Variants in DIAPH2 observed in about 807,000 individuals in gnomAD.
The protein encoded by DIAPH2 is diaphanous related formin 2.
DIAPH2 carries 35 observed loss-of-function variants against 92.7 expected under a neutral mutation model. The ratio of observed to expected loss-of-function variants is 0.38; its 90% CI spans 0.29 to 0.50. The LOEUF (loss-of-function observed/expected upper bound fraction) is 0.50, where lower values mean the gene tolerates loss of function less well. Among genes scored for constraint, DIAPH2 ranks in the 20% least tolerant of loss-of-function variants. DIAPH2 has a pLI of 0.94. For synonymous variants in DIAPH2, 301 were observed against 280.4 expected (o/e 1.07, Z -0.73); for missense variants, 701 against 819.5 (o/e 0.86, Z 1.77).
At position 96,685,278 on chromosome X, in the gene DIAPH2, C is replaced by T. The variant is rs982904725; in HGVS notation, c.132+88C>T. 10 of 929,119 alleles carry T rather than the reference C, an allele frequency of 1.1e-5. No homozygotes were observed. The Admixed American group carries it at 5.0e-4, about 47-fold the overall frequency. The allele number at this position is 929,119 out of a possible 1,213,427, so 76.6% of individuals were successfully genotyped here. The stretch of plus-strand genomic sequence containing the variant: ...ATTGAACACGGGGGCACCCGGGGCC[C>T]CCTCCCAAGGATGACCGCGACCTCG... On this transcript the variant is annotated intron_variant, in intron 1 of 26. Coordinates refer to ENST00000324765, the MANE Select transcript of DIAPH2 (RefSeq NM_006729.5).
At chrX:96,900,380 T>C (rs192077896) in intron 5 of DIAPH2, among the ~76,000 whole-genome samples, 4 of 111,381 alleles carry the variant, frequency 3.6e-5, no homozygotes, top group Non-Finnish European at 7.5e-5. Flanking sequence ...GATGAGTCTT[T>C]AGGGTTTTCT....
intron 23 of DIAPH2, among the ~76,000 whole-genome samples, chrX:97,337,387 T>C (rs1051948432): frequency 2.7e-5 from 3 of 110,945 alleles, no homozygotes; most frequent in African/African-American, 9.8e-5. Flanking sequence ...CATTGGGAAG[T>C]GATTGGATCA....
intron 26 of DIAPH2, among the ~76,000 whole-genome samples, chrX:97,515,475 G>A (rs1204475685): frequency 1.8e-5 from 2 of 112,207 alleles, no homozygotes; most frequent in Non-Finnish European, 3.8e-5. Context: ...TGTCTTCTGC[G>A]TCGCTCACGC....
intron 21 of DIAPH2, among the ~76,000 whole-genome samples, chrX:97,128,533 G>A (rs1305935795): frequency 9.0e-6 from 1 of 111,228 alleles, no homozygotes; most frequent in African/African-American, 3.3e-5. Context: ...AGTTGCTCTG[G>A]TTCACATGCC....
At chrX:97,374,214 TG>T (rs1474620423) in intron 24 of DIAPH2, among the ~76,000 whole-genome samples, 2 of 111,182 alleles carry the variant, frequency 1.8e-5, no homozygotes, top group African/African-American at 6.6e-5. Context: ...CAATGCTGTC[TG>T]TAGGAAGAAA....
chrX:96,964,378 T>G (rs1018438903), intron 16 of DIAPH2, among the ~76,000 whole-genome samples: 2 of 112,009 alleles, frequency 1.8e-5, no homozygotes, highest in Non-Finnish European at 3.8e-5. Context: ...TGTAGTCGTA[T>G]GCTTCCTAAT....
intron 22 of DIAPH2, among the ~76,000 whole-genome samples, chrX:97,156,418 T>A (rs911867547): frequency 4.0e-4 from 45 of 112,535 alleles, no homozygotes; most frequent in Admixed American, 3.1e-3. Flanking sequence ...AATGAATCAA[T>A]AATTGGCATA....
At chrX:96,814,834 G>T (rs1393081803) in intron 4 of DIAPH2, among the ~76,000 whole-genome samples, 1 of 111,765 alleles carries the variant, frequency 8.9e-6, no homozygotes, top group Non-Finnish European at 1.9e-5. Flanking sequence ...TGCACACCCT[G>T]TTTGCCTGGG....
At chrX:97,048,369 T>A (rs2066498499) in intron 17 of DIAPH2, among the ~76,000 whole-genome samples, 1 of 111,430 alleles carries the variant, frequency 9.0e-6, no homozygotes, top group African/African-American at 3.3e-5. Context: ...AACATAGCAT[T>A]CCTTATGATT....
At chrX:96,894,254 GTT>G (rs202232924) in intron 5 of DIAPH2, among the ~76,000 whole-genome samples, 11 of 101,478 alleles carry the variant, frequency 1.1e-4, no homozygotes, top group South Asian at 9.0e-4. Context: ...TACTGCTACA[GTT>G]TTTTTTTTTT....
chrX:96,724,416 A>T (rs2064008940), intron 1 of DIAPH2, among the ~76,000 whole-genome samples: 1 of 112,251 alleles, frequency 8.9e-6, no homozygotes, highest in Non-Finnish European at 1.9e-5. Flanking sequence ...AAATAAGTTT[A>T]GACCATCTCA....
chrX:97,263,400 G>C (rs1321157970), intron 23 of DIAPH2, among the ~76,000 whole-genome samples: 1 of 111,079 alleles, frequency 9.0e-6, no homozygotes, highest in Non-Finnish European at 1.9e-5. Flanking sequence ...CCAAATTTGA[G>C]CATTAACCAT....
At chrX:97,056,414 C>T (rs1282166914) in intron 17 of DIAPH2, among the ~76,000 whole-genome samples, 1 of 111,348 alleles carries the variant, frequency 9.0e-6, no homozygotes, top group Non-Finnish European at 1.9e-5. Context: ...AAGCAAAATT[C>T]ATACTGAGAT....
chrX:97,142,356 G>A (rs1158487037), intron 22 of DIAPH2, among the ~76,000 whole-genome samples: 1 of 111,465 alleles, frequency 9.0e-6, no homozygotes, highest in African/African-American at 3.3e-5. Context: ...GGGTTTTACA[G>A]ACATGGAAAA....
chrX:97,133,246 G>T (rs2067149523), intron 21 of DIAPH2, among the ~76,000 whole-genome samples: 1 of 111,602 alleles, frequency 9.0e-6, no homozygotes, highest in South Asian at 3.8e-4. Flanking sequence ...ACACATTCTT[G>T]CATGTTTCCA....
At chrX:97,537,146 C>T (rs1177829631) in intron 26 of DIAPH2, among the ~76,000 whole-genome samples, 1 of 111,012 alleles carries the variant, frequency 9.0e-6, no homozygotes, top group East Asian at 2.8e-4. Context: ...ATGCAGGAAA[C>T]GTCAGTAGGT....
rs1466692852 is a variant in DIAPH2, at chrX:97,603,850, G to GT, written c.*4539dup. 2 of 111,810 alleles carry GT rather than the reference G, an allele frequency of 1.8e-5. No homozygotes were observed. Among genetic ancestry groups the GT allele is most frequent in the African/African-American group, 6.5e-5 (2 of 30,728 alleles). The allele number at this position is 111,810 out of a possible 1,213,427, so 9.2% of individuals were successfully genotyped here. The stretch of plus-strand genomic sequence containing the variant: ...ACTACCATCTGGTAAAGGCAATCTA[G>GT]TTTTTTCTATCACAGCCACCAAAAT... On this transcript the variant is annotated 3_prime_UTR_variant, in exon 27 of 27. Transcript: ENST00000324765.
intron 22 of DIAPH2, among the ~76,000 whole-genome samples, chrX:97,205,683 G>A (rs2067790334): frequency 9.0e-6 from 1 of 111,295 alleles, no homozygotes; most frequent in African/African-American, 3.3e-5. Context: ...TGGAGAAATA[G>A]GAATTATTTT....
chrX:97,268,847 C>T (rs868011645), intron 23 of DIAPH2, among the ~76,000 whole-genome samples: 1 of 99,962 alleles, frequency 1.0e-5, no homozygotes, highest in African/African-American at 3.7e-5. Flanking sequence ...TTTTTTTTTT[C>T]TTTTCTTTCT....
Sources: allele counts gnomAD v4.1 joint callset (sites outside exome capture counted in the v4.1 genomes callset), GRCh38; gene constraint gnomAD v4.1.1; transcripts MANE v1.5; gene names NCBI Gene and HGNC (gene_info 2026-07-23, HGNC 2026-07-21).